The following AHCYL2 variants were observed in gnomAD, a reference collection of about 807,000 sequenced individuals.
AHCYL2 encodes the protein adenosylhomocysteinase like 2, also known as S-adenosylhomocysteine hydrolase-like protein 2.
Under a neutral mutation model 81.4 loss-of-function variants are expected in AHCYL2, and 28 were observed. That is an observed-to-expected ratio of 0.34 (90% CI 0.25 to 0.47). AHCYL2 has a LOEUF of 0.47. Among genes scored for constraint, AHCYL2 ranks in the 20% least tolerant of loss-of-function variants. The probability of loss-of-function intolerance (pLI) is 1.00; values close to 1 mark genes in which losing one functional copy is unlikely to be tolerated. For missense variants in AHCYL2, 551 were observed against 785.1 expected, an observed-to-expected ratio of 0.70 and a Z score of 3.56; for synonymous variants, 272 against 290.2, an observed-to-expected ratio of 0.94 and a Z score of 0.64.
At chr7:129,229,712 C>G (rs1794351217) in intron 1 of AHCYL2, among the ~76,000 whole-genome samples, 1 of 152,106 alleles carries the variant, frequency 6.6e-6, no homozygotes, top group Admixed American at 6.5e-5. Context: ...TGAGTTAGAG[C>G]TTTAGGAAGA....
At chr7:129,273,213 T>TA (rs1339378513) in intron 1 of AHCYL2, among the ~76,000 whole-genome samples, 1 of 147,948 alleles carries the variant, frequency 6.8e-6, no homozygotes, top group Non-Finnish European at 1.5e-5. Context: ...GACCAATGAC[T>TA]TCTAAATAAA....
chr7:129,291,194 A>G (rs2150751034), intron 1 of AHCYL2, among the ~76,000 whole-genome samples: 1 of 152,208 alleles, frequency 6.6e-6, no homozygotes, highest in South Asian at 2.1e-4. Flanking sequence ...CATGTTCCCC[A>G]TAAGTTTATT....
chr7:129,375,987 G>T, intron 1 of AHCYL2: 4 of 1,527,680 alleles, frequency 2.6e-6, no homozygotes, highest in South Asian at 1.2e-5. Context: ...GTAAAAGGCC[G>T]ACTGCTTATA....
At position 129,283,141 on chromosome 7, in the gene AHCYL2, G is replaced by A. The variant is rs1257317491; in HGVS notation, c.363+57702G>A. Among the ~76,000 whole-genome samples, 5 of 152,116 alleles carry A rather than the reference G, an allele frequency of 3.3e-5. No individual in the cohort carries two copies. The East Asian group carries it at 5.8e-4, about 18-fold the overall frequency. ...TCCAGGTGCTCCCAGCATGCAGCGC[G>A]TTTTCCAGTACTCCATCCTGCACAC... On this transcript the variant is annotated intron_variant, in intron 1 of 16. Transcript: ENST00000325006.
At chr7:129,300,236 T>G (rs1370188414) in intron 1 of AHCYL2, among the ~76,000 whole-genome samples, 1 of 152,154 alleles carries the variant, frequency 6.6e-6, no homozygotes, top group Non-Finnish European at 1.5e-5. Context: ...CAGATCTTAT[T>G]CATTCTTCCT....
At chr7:129,240,923 T>C (rs1210127700) in intron 1 of AHCYL2, among the ~76,000 whole-genome samples, 1 of 152,146 alleles carries the variant, frequency 6.6e-6, no homozygotes, top group East Asian at 1.9e-4. Context: ...ATTCATGGTA[T>C]AGGTTTGCGT....
At chr7:129,347,822 T>C (rs1173892829) in intron 1 of AHCYL2, among the ~76,000 whole-genome samples, 3 of 152,208 alleles carry the variant, frequency 2.0e-5, no homozygotes, top group African/African-American at 7.2e-5. Flanking sequence ...TAAGGAATAT[T>C]TGAATCTCCT....
intron 1 of AHCYL2, among the ~76,000 whole-genome samples, chr7:129,284,599 C>CA (rs1232402820): frequency 0.11 from 5,907 of 51,786 alleles, 218 homozygotes; most frequent in African/African-American, 0.17. Flanking sequence ...GACTTCGTCT[C>CA]AAAAAAAAAA....
intron 1 of AHCYL2, among the ~76,000 whole-genome samples, chr7:129,279,657 T>A (rs1796358548): frequency 6.6e-6 from 1 of 152,242 alleles, no homozygotes; most frequent in Non-Finnish European, 1.5e-5. Context: ...CCCTGAGTGC[T>A]GCTGGTTGGC....
intron 1 of AHCYL2, among the ~76,000 whole-genome samples, chr7:129,342,544 G>T (rs1793220679): frequency 6.6e-6 from 1 of 152,144 alleles, no homozygotes; most frequent in African/African-American, 2.4e-5. Context: ...AGAGAATGCG[G>T]CTATGTAGCT....
At position 129,225,300 on chromosome 7, in the gene AHCYL2, C is replaced by G. The variant is rs1339297636; in HGVS notation, c.224C>G (p.Pro75Arg). The G allele has an allele frequency of 6.8e-7, 1 of 1,476,706 alleles. No homozygotes were observed. The highest frequency in any genetic ancestry group is 8.9e-7 in the Non-Finnish European group (1 of 1,122,300). The allele number at this position is 1,476,706 out of a possible 1,614,324, so 91.5% of individuals were successfully genotyped here. ...PGSGPAAALSPAAGKVPQASA... is the reference protein window; with the variant it reads ...PGSGPAAALSRAAGKVPQASA... ...TCGGGGCCCGCCGCCGCTCTCAGCC[C>G]CGCCGCCGGGAAGGTGCCTCAGGCG... The change falls in exon 1 of 17, where the codon CCC (proline) becomes CGC (arginine). Residue 75 changes from proline to arginine, a missense_variant. By Grantham distance (103) the Pro-to-Arg change is moderately radical. This residue lies in a region of AHCYL2 where 235 missense variants were observed against 242.1 expected (regional missense o/e 0.97). Transcript: ENST00000325006.
At chr7:129,373,302 TTGGGAGGCCGAGG>T (rs1794504186) in intron 1 of AHCYL2, among the ~76,000 whole-genome samples, 1 of 152,186 alleles carries the variant, frequency 6.6e-6, no homozygotes, top group African/African-American at 2.4e-5. Flanking sequence ...TCCCAGCACT[TTGGGAGGCCGAGG>T]TGGGCGGATC....
chr7:129,315,254 A>G (rs1217701487), intron 1 of AHCYL2, among the ~76,000 whole-genome samples: 1 of 152,012 alleles, frequency 6.6e-6, no homozygotes, highest in Non-Finnish European at 1.5e-5. Flanking sequence ...TTGTATTTCT[A>G]TAACGTCTGC....
chr7:129,415,988 G>T (rs1055312166), intron 12 of AHCYL2, among the ~76,000 whole-genome samples: 2 of 152,020 alleles, frequency 1.3e-5, no homozygotes, highest in Non-Finnish European at 2.9e-5. Flanking sequence ...ACAGTGAGCC[G>T]CGATCACGCC....
intron 6 of AHCYL2, among the ~76,000 whole-genome samples, chr7:129,401,339 GC>G (rs11375520): frequency 0.2 from 29,078 of 144,626 alleles, 3,682 homozygotes; most frequent in Non-Finnish European, 0.28. Flanking sequence ...CCATCCCAGT[GC>G]CCCCCCCCAA....
intron 1 of AHCYL2, among the ~76,000 whole-genome samples, chr7:129,303,474 C>G (rs1451289686): frequency 1.3e-5 from 2 of 152,114 alleles, no homozygotes; most frequent in Admixed American, 1.3e-4. Context: ...TCAAATGGTC[C>G]TTTGAGTTTC....
At chr7:129,227,050 G>A (rs1198096617) in intron 1 of AHCYL2, among the ~76,000 whole-genome samples, 1 of 152,126 alleles carries the variant, frequency 6.6e-6, no homozygotes, top group Admixed American at 6.5e-5. Context: ...AGGCAGACCT[G>A]GATTTGAAGC....
At position 129,289,939 on chromosome 7, in the gene AHCYL2, C is replaced by T. The variant is rs537622572; in HGVS notation, c.363+64500C>T. ...CTGGGATTACAGCCATGCACCACCTCGCCCAACTAATTTTGTATTTTTAGT... is the reference window on the plus strand; with the variant it reads ...CTGGGATTACAGCCATGCACCACCTTGCCCAACTAATTTTGTATTTTTAGT... On this transcript the variant is annotated intron_variant, in intron 1 of 16. Coordinates refer to ENST00000325006, the MANE Select transcript of AHCYL2 (RefSeq NM_015328.4). Among the ~76,000 whole-genome samples, 3 of 151,986 alleles carry T rather than the reference C, an allele frequency of 2.0e-5. No individual in the cohort carries two copies. The South Asian group carries it at 6.2e-4, about 32-fold the overall frequency.
chr7:129,378,421 G>A lies in AHCYL2; in HGVS notation c.364-1217G>A, dbSNP rs35136112. On this transcript the variant is annotated intron_variant, in intron 1 of 16. Transcript: ENST00000325006. ...GCAAGAGTTACGAGAGCATTGAACC[G>A]TAGGGGTTGGGTAGGGAGTAGATTT... is the stretch of plus-strand genomic sequence containing the variant. 4.3e-3 allele frequency among the ~76,000 whole-genome samples: 658 copies of A among 152,264 alleles called. 2 individuals are homozygous for A. The highest frequency in any genetic ancestry group is 7.6e-3 in the Non-Finnish European group (518 of 68,020).
Sources: allele counts gnomAD v4.1 joint callset (sites outside exome capture counted in the v4.1 genomes callset), GRCh38; gene constraint gnomAD v4.1.1; regional missense constraint gnomAD v4.1.1; transcripts MANE v1.5; gene names NCBI Gene and HGNC (gene_info 2026-07-23, HGNC 2026-07-21).